Variants in CD72 observed in about 807,000 individuals in gnomAD.
CD72 encodes CD72 molecule.
Under a neutral mutation model 50.7 loss-of-function variants are expected in CD72, and 28 were observed. That is an observed-to-expected ratio of 0.55 (90% CI 0.41 to 0.76). The LOEUF (loss-of-function observed/expected upper bound fraction) is 0.76, where lower values mean the gene tolerates loss of function less well. CD72 is among the 30% of genes least tolerant of loss of function. CD72 has a pLI of 0.00. For missense variants in CD72, 403 were observed against 420.6 expected (o/e 0.96, Z 0.37); for synonymous variants, 176 against 171.2 (o/e 1.03, Z -0.22).
intron 1 of CD72, among the ~76,000 whole-genome samples, chr9:35,626,912 C>T (rs1823200821): frequency 6.6e-6 from 1 of 151,318 alleles, no homozygotes; most frequent in African/African-American, 2.4e-5. Flanking sequence ...AGTGCAGTGG[C>T]ACAATGTCAG....
At chr9:35,615,847 G>T in intron 5 of CD72, 96 bp downstream of exon 5, 1 of 981,428 alleles carries the variant, frequency 1.0e-6, no homozygotes, top group Non-Finnish European at 1.5e-6. Flanking sequence ...CCCCTTTCCT[G>T]AACACCTCAC....
At chr9:35,612,650 G>C (rs1823004323) in intron 6 of CD72, among the ~76,000 whole-genome samples, 198 bp downstream of exon 6, 1 of 152,092 alleles carries the variant, frequency 6.6e-6, no homozygotes, top group Non-Finnish European at 1.5e-5. Context: ...AGTTACTAGG[G>C]GCTGCCTGGA....
At chr9:35,641,212 C>T (rs1823337106) in intron 1 of CD72, among the ~76,000 whole-genome samples, 2 of 152,168 alleles carry the variant, frequency 1.3e-5, no homozygotes, top group South Asian at 4.1e-4. Context: ...ATGTCATTAA[C>T]ATCGGAGCAT....
chr9:35,644,594 G>A (rs1035297800), intron 1 of CD72, among the ~76,000 whole-genome samples: 3 of 152,126 alleles, frequency 2.0e-5, no homozygotes, highest in African/African-American at 7.2e-5. Context: ...AAATCATAGG[G>A]CAGTTCCTGC....
At chr9:35,620,054 G>A (rs938331752), upstream of CD72, among the ~76,000 whole-genome samples, 7 of 149,258 alleles carry the variant, frequency 4.7e-5, no homozygotes, top group Admixed American at 6.7e-5. Flanking sequence ...GCAGCTGGTG[G>A]CAGGGGTGGG....
At position 35,618,206 on chromosome 9, in the gene CD72, G is replaced by A; in HGVS notation, c.82+16C>T. ...AGTGGGGATGCAGGATCAAGGGGAG[G>A]CCTCATCCCCCTTACCCTGTCCTAA... is the stretch of plus-strand genomic sequence containing the variant. On this transcript the variant is annotated intron_variant, in intron 1 of 8. Transcript: ENST00000259633. 1.2e-6 allele frequency: 2 copies of A among 1,611,126 alleles called. No individual in the cohort carries two copies. Among genetic ancestry groups the A allele is most frequent in the South Asian group, 2.2e-5 (2 of 91,018 alleles).
rs546886994 is a variant in CD72 at position 35,640,994 on chromosome 9, G to C, written n.408+5409C>G. On this transcript the variant is annotated intron_variant and non_coding_transcript_variant, in intron 1 of 3. Coordinates refer to the CD72 transcript ENST00000465754. ...CTAAGTGGCAAGCCCCATGTTTAAA[G>C]GTGGATGCAGTCACCTTCCCAGCTA... Among the ~76,000 whole-genome samples the C allele has an allele frequency of 1.6e-4, 25 of 152,354 alleles. 1 individual carries two copies. The South Asian group carries it at 3.9e-3, about 24-fold the overall frequency.
At chr9:35,619,137 C>A (rs1823116032), upstream of CD72, among the ~76,000 whole-genome samples, 1 of 152,192 alleles carries the variant, frequency 6.6e-6, no homozygotes, top group South Asian at 2.1e-4. Context: ...TAGCAAAGTT[C>A]TTTCTTTAAA....
chr9:35,616,010 C>G lies in CD72; in HGVS notation c.621G>C (p.Arg207Ser). The G allele has an allele frequency of 6.2e-7, 1 of 1,614,040 alleles. No homozygotes were observed. Among genetic ancestry groups the G allele is most frequent in the Non-Finnish European group, 8.5e-7 (1 of 1,180,022 alleles). ...ETLQSEEQQR[R>S]ALEQKLSNME... ...TGTTGCTCAGCTTCTGCTCCAAGGC[C>G]CTCCTCTGTTGCTCCTCACTTTGCA... Residue 207 changes from arginine (R) to serine (S), a missense_variant, in exon 5 of 9, where the codon AGG (arginine) becomes AGC (serine). Transcript: ENST00000259633.
At chr9:35,621,930 G>A (rs1186226561), upstream of CD72, among the ~76,000 whole-genome samples, 1 of 152,216 alleles carries the variant, frequency 6.6e-6, no homozygotes, top group Non-Finnish European at 1.5e-5. Flanking sequence ...TGAGACCTGT[G>A]TCGACCTGAT....
At chr9:35,635,265 C>T (rs1217785667) in intron 1 of CD72, among the ~76,000 whole-genome samples, 1 of 152,164 alleles carries the variant, frequency 6.6e-6, no homozygotes, top group Non-Finnish European at 1.5e-5. Context: ...GAAATTTCAT[C>T]TATTATTTAA....
chr9:35,610,367 TCTC>T (rs1338101744), intron 8 of CD72, 67 bp from the exon 9 acceptor site: 1 of 419,560 alleles, frequency 2.4e-6, no homozygotes, highest in South Asian at 4.1e-5. Context: ...ACTCACCCCA[TCTC>T]CTCCTCAGCT....
At chr9:35,614,857 G>A (rs1045635345) in intron 5 of CD72, among the ~76,000 whole-genome samples, 2 of 152,152 alleles carry the variant, frequency 1.3e-5, no homozygotes, top group African/African-American at 4.8e-5. Context: ...TAAGTGAGTA[G>A]TTGAAGTGAT....
At chr9:35,622,798 T>C (rs140275930), upstream of CD72, among the ~76,000 whole-genome samples, 1 of 146,876 alleles carries the variant, frequency 6.8e-6, no homozygotes, top group Non-Finnish European at 1.5e-5. Context: ...AAAAAAATAA[T>C]AATAATAATA....
chr9:35,618,113 C>T lies in CD72; in HGVS notation c.91G>A (p.Ala31Thr). The T allele has an allele frequency of 6.2e-7, 1 of 1,613,544 alleles. No individual in the cohort carries two copies. The highest frequency in any genetic ancestry group is 1.1e-5 in the South Asian group (1 of 91,034). Reference protein sequence around the residue: ...ISSRLGQDPGADDDGEITYEN... With the variant: ...ISSRLGQDPGTDDDGEITYEN... ...TAGGTGATTTCCCCATCATCATCAGCCCCTGGGTCTAGAGAGAAGAGAAAA... is the reference window on the plus strand; with the variant it reads ...TAGGTGATTTCCCCATCATCATCAGTCCCTGGGTCTAGAGAGAAGAGAAAA... The change falls in exon 2 of 9, where the codon GCT (alanine) becomes ACT (threonine). Residue 31 changes from alanine (A) to threonine (T), a missense_variant. Ala to Thr is a moderately conservative substitution (Grantham distance 58). Coordinates refer to ENST00000259633, the MANE Select transcript of CD72 (RefSeq NM_001782.3).
Position 35,616,008 on chromosome 9 carries a change from G to C in CD72, c.623C>G (p.Ala208Gly). The C allele has an allele frequency of 1.9e-6, 3 of 1,613,864 alleles. No individual in the cohort carries two copies. The highest frequency in any genetic ancestry group is 1.1e-5 in the South Asian group (1 of 91,050). Residue 208 changes from alanine (A) to glycine (G), a missense_variant, in exon 5 of 9, where the codon GCC (alanine) becomes GGC (glycine). Transcript: ENST00000259633. ...CATGTTGCTCAGCTTCTGCTCCAAG[G>C]CCCTCCTCTGTTGCTCCTCACTTTG... ...TLQSEEQQRR[A>G]LEQKLSNMEN...
chr9:35,610,549 GA>G (rs958763743), intron 8 of CD72, 52 bp downstream of exon 8: 60 of 950,638 alleles, frequency 6.3e-5, no homozygotes, highest in Non-Finnish European at 8.6e-5. Context: ...TCCCTGCTCT[GA>G]GTCCCTCTGC....
intron 1 of CD72, among the ~76,000 whole-genome samples, chr9:35,632,777 C>T (rs1210400057): frequency 2.0e-5 from 3 of 151,288 alleles, no homozygotes; most frequent in African/African-American, 7.3e-5. Flanking sequence ...AGGTTTTCAC[C>T]GTGTTGGCCA....
chr9:35,610,009 C>A lies in CD72; in HGVS notation c.*314G>T. On this transcript the variant is annotated 3_prime_UTR_variant, in exon 9 of 9. Transcript: ENST00000259633. ...ATTTAAAAAGATTTCAATAAAACTG[C>A]CTGGCTGGCTCCGGGCCGCCCCTAT... 2.3e-6 allele frequency: 1 copy of A among 432,908 alleles called. No individual in the cohort carries two copies. Among genetic ancestry groups the A allele is most frequent in the Admixed American group, 4.1e-5 (1 of 24,338 alleles). 26.8% of individuals were successfully genotyped at this position (432,908 alleles called of 1,614,324 possible).
Sources: allele counts gnomAD v4.1 joint callset (sites outside exome capture counted in the v4.1 genomes callset), GRCh38; gene constraint gnomAD v4.1.1; transcripts MANE v1.5; gene names NCBI Gene and HGNC (gene_info 2026-07-23, HGNC 2026-07-21).